Variants in SYT10 observed in about 807,000 individuals in gnomAD.
The protein encoded by SYT10 is synaptotagmin-10.
In SYT10, 31 loss-of-function variants were observed where a neutral mutation model predicts 51.1. That is an observed-to-expected ratio of 0.61 (90% CI 0.46 to 0.82). SYT10 has a LOEUF of 0.82. Among genes scored for constraint, SYT10 ranks in the 40% least tolerant of loss-of-function variants. The probability of loss-of-function intolerance (pLI) is 0.00; values close to 1 mark genes in which losing one functional copy is unlikely to be tolerated. For synonymous variants in SYT10, 233 were observed against 225.9 expected (o/e 1.03, Z -0.28); for missense variants, 603 against 634.0 (o/e 0.95, Z 0.53).
At position 33,376,765 on chromosome 12, in the gene SYT10, T is replaced by C; in HGVS notation, c.*65A>G. The C allele has an allele frequency of 2.5e-6, 4 of 1,582,612 alleles. No individual in the cohort carries two copies. The Admixed American group carries it at 6.8e-5, about 27-fold the overall frequency. ...CAAATGAGGAAACCAAACCTTCCAC[T>C]TTTTTTCTGATTCAATGAGCACGTG... On this transcript the variant is annotated 3_prime_UTR_variant, in exon 7 of 7. Transcript: ENST00000228567.
chr12:33,437,765 A>G (rs762543744), intron 1 of SYT10, among the ~76,000 whole-genome samples: 1 of 152,014 alleles, frequency 6.6e-6, no homozygotes, highest in Admixed American at 6.6e-5. Flanking sequence ...TAATATCACC[A>G]CAGAGGACTC....
chr12:33,408,770 C>A (rs1663031378), intron 2 of SYT10, among the ~76,000 whole-genome samples: 1 of 151,504 alleles, frequency 6.6e-6, no homozygotes, highest in Non-Finnish European at 1.5e-5. Context: ...ATCATTTTCT[C>A]CCTTTTGCTT....
chr12:33,376,428 A>G lies in SYT10; in HGVS notation c.*402T>C, dbSNP rs1298312239. On this transcript the variant is annotated 3_prime_UTR_variant, in exon 7 of 7. Transcript: ENST00000228567. Reference sequence around the variant, plus strand: ...TATACAGAACCACCTGCACAACTAGAAATGAACACAGTATAACAAAATCAA... The same window carrying G: ...TATACAGAACCACCTGCACAACTAGGAATGAACACAGTATAACAAAATCAA... The G allele has an allele frequency of 6.0e-6, 1 of 165,952 alleles. No individual in the cohort carries two copies. Among genetic ancestry groups the G allele is most frequent in the African/African-American group, 2.4e-5 (1 of 41,894 alleles). 10.3% of individuals were successfully genotyped at this position (165,952 alleles called of 1,614,324 possible).
At chr12:33,385,148 T>C in intron 4 of SYT10, 23 bp downstream of exon 4, 3 of 1,611,872 alleles carry the variant, frequency 1.9e-6, no homozygotes, top group Non-Finnish European at 2.5e-6. Context: ...GTGCCCTTGG[T>C]CCTGTGGCCA....
At chr12:33,382,631 G>C in intron 4 of SYT10, 111 bp from the exon 5 acceptor site, 1 of 946,294 alleles carries the variant, frequency 1.1e-6, no homozygotes, top group Non-Finnish European at 1.4e-6. Context: ...CCTATATTAA[G>C]ACCTTTAGTA....
At chr12:33,419,367 A>G (rs1488349866) in intron 2 of SYT10, among the ~76,000 whole-genome samples, 5 of 152,296 alleles carry the variant, frequency 3.3e-5, no homozygotes, top group African/African-American at 1.2e-4. Context: ...ATTGTTGAAT[A>G]AAGAAAATAT....
intron 6 of SYT10, 93 bp from the exon 7 acceptor site, chr12:33,376,994 A>G: frequency 7.8e-7 from 1 of 1,285,844 alleles, no homozygotes; most frequent in Admixed American, 1.9e-5. Flanking sequence ...ATATTCAACC[A>G]TAATATGCGA....
intron 6 of SYT10, among the ~76,000 whole-genome samples, chr12:33,377,469 G>C (rs1461498034): frequency 6.6e-6 from 1 of 152,044 alleles, no homozygotes; most frequent in African/African-American, 2.4e-5. Context: ...CTTGCTTTAA[G>C]GCAGTTAATG....
At chr12:33,412,075 C>A (rs1180682054) in intron 2 of SYT10, among the ~76,000 whole-genome samples, 1 of 151,868 alleles carries the variant, frequency 6.6e-6, no homozygotes, top group Non-Finnish European at 1.5e-5. Flanking sequence ...GGAGCAAAAC[C>A]CCTAAGAAGT....
At position 33,382,387 on chromosome 12, in the gene SYT10, G is replaced by C; in HGVS notation, c.1332C>G (p.Asp444Glu). 3 of 1,612,436 alleles carry C rather than the reference G, an allele frequency of 1.9e-6. No homozygotes were observed. Residue 444 changes from aspartate to glutamate, a missense_variant, in exon 5 of 7, where the codon GAC becomes GAG. Coordinates refer to ENST00000228567, the MANE Select transcript of SYT10 (RefSeq NM_198992.4). ...TGACCGCAATGGAGAGGCTGACCTG[G>C]TCCACGTTCTCTGGAGGGATGTCAA... ...IIFDIPPENVDQVSLSIAVMD... is the reference protein window; with the variant it reads ...IIFDIPPENVEQVSLSIAVMD...
intron 2 of SYT10, among the ~76,000 whole-genome samples, chr12:33,409,674 C>A (rs183679582): frequency 1.2e-3 from 177 of 151,914 alleles, no homozygotes; most frequent in Non-Finnish European, 2.1e-3. Flanking sequence ...CTACCACGCC[C>A]GGCTAATTTT....
intron 1 of SYT10, among the ~76,000 whole-genome samples, chr12:33,437,917 C>G (rs993013141): frequency 2.0e-5 from 3 of 152,042 alleles, no homozygotes; most frequent in African/African-American, 4.8e-5. Flanking sequence ...GGAAATGATT[C>G]TCAGTTGTGT....
intron 2 of SYT10, among the ~76,000 whole-genome samples, chr12:33,414,018 G>C (rs1050322664): frequency 6.6e-5 from 10 of 151,880 alleles, no homozygotes; most frequent in African/African-American, 1.9e-4. Context: ...AACAAAAAAA[G>C]GCAGGGGTTG....
intron 2 of SYT10, among the ~76,000 whole-genome samples, chr12:33,410,278 C>G (rs1866394272): frequency 6.6e-6 from 1 of 152,150 alleles, no homozygotes; most frequent in Admixed American, 6.5e-5. Flanking sequence ...GAATTATAAT[C>G]TAAGGTGTTG....
intron 2 of SYT10, among the ~76,000 whole-genome samples, chr12:33,413,377 A>T (rs1866424897): frequency 6.6e-6 from 1 of 152,288 alleles, no homozygotes; most frequent in Non-Finnish European, 1.5e-5. Context: ...AAGACACATA[A>T]TTGTCAGATT....
chr12:33,382,648 AT>A, intron 4 of SYT10, 128 bp from the exon 5 acceptor site: 2 of 785,938 alleles, frequency 2.5e-6, no homozygotes, highest in Non-Finnish European at 3.5e-6. Flanking sequence ...AGTATTACCA[AT>A]TTTAAATTTG....
At chr12:33,427,618 C>T (rs1866563649) in intron 1 of SYT10, among the ~76,000 whole-genome samples, 3 of 152,172 alleles carry the variant, frequency 2.0e-5, no homozygotes, top group Admixed American at 2.0e-4. Flanking sequence ...GAAAATTATG[C>T]AAACAAGCTT....
At chr12:33,436,451 G>A (rs1866638269) in intron 1 of SYT10, among the ~76,000 whole-genome samples, 2 of 152,054 alleles carry the variant, frequency 1.3e-5, no homozygotes, top group African/African-American at 2.4e-5. Context: ...TAATGACTCC[G>A]ATAAACTACG....
At chr12:33,438,238 C>T (rs758723462) in intron 1 of SYT10, among the ~76,000 whole-genome samples, 1 of 152,150 alleles carries the variant, frequency 6.6e-6, no homozygotes, top group Non-Finnish European at 1.5e-5. Context: ...GTTGCCCTGA[C>T]TACCTTCAAC....
Sources: allele counts gnomAD v4.1 joint callset (sites outside exome capture counted in the v4.1 genomes callset), GRCh38; gene constraint gnomAD v4.1.1; transcripts MANE v1.5; gene names NCBI Gene and HGNC (gene_info 2026-07-23, HGNC 2026-07-21).